FANK1: variants seen among roughly 807,000 people sequenced by gnomAD.
FANK1 encodes fibronectin type 3 and ankyrin repeat domains protein 1.
FANK1 carries 44 observed loss-of-function variants against 45.3 expected under a neutral mutation model. That is an observed-to-expected ratio of 0.97 (90% CI 0.76 to 1.25). The LOEUF (loss-of-function observed/expected upper bound fraction) is 1.25. Among genes scored for constraint, FANK1 ranks in the 50% most tolerant of loss-of-function variants. The pLI is 0.00. For missense variants in FANK1, 391 were observed against 424.4 expected (o/e 0.92, Z 0.69); for synonymous variants, 149 against 152.5 (o/e 0.98, Z 0.17).
At chr10:125,950,642 G>A (rs1278376684) in intron 1 of FANK1, among the ~76,000 whole-genome samples, 3 of 152,166 alleles carry the variant, frequency 2.0e-5, no homozygotes, top group African/African-American at 7.2e-5. Flanking sequence ...TACACTGTTG[G>A]TGGGACTGTA....
At chr10:125,970,060 T>C (rs1288414474) in intron 1 of FANK1, among the ~76,000 whole-genome samples, 1 of 152,220 alleles carries the variant, frequency 6.6e-6, no homozygotes, top group African/African-American at 2.4e-5. Flanking sequence ...TGATCTCTCT[T>C]TCTTTTCCCC....
At chr10:125,971,564 G>C (rs1393439703) in intron 1 of FANK1, among the ~76,000 whole-genome samples, 1 of 151,954 alleles carries the variant, frequency 6.6e-6, no homozygotes, top group East Asian at 1.9e-4. Flanking sequence ...AGCTAGACCT[G>C]ATTTAAAATG....
At chr10:125,942,875 A>C (rs1310984139) in intron 1 of FANK1, among the ~76,000 whole-genome samples, 1 of 145,846 alleles carries the variant, frequency 6.9e-6, no homozygotes, top group Non-Finnish European at 1.5e-5. Context: ...GTGCAATGGC[A>C]TGATCTCAGC....
intron 10 of FANK1, 52 bp from the exon 11 acceptor site, chr10:126,009,321 A>G (rs754215039): frequency 6.2e-7 from 1 of 1,614,096 alleles, no homozygotes; most frequent in Non-Finnish European, 8.5e-7. Context: ...CTAGACTCAG[A>G]AAAACCACCA....
At chr10:125,993,996 C>G (rs1187598482) in intron 3 of FANK1, among the ~76,000 whole-genome samples, 1 of 152,206 alleles carries the variant, frequency 6.6e-6, no homozygotes. Context: ...CACTGAAACC[C>G]TCCGAGGAAA....
chr10:125,981,133 G>A (rs905821224), intron 2 of FANK1, among the ~76,000 whole-genome samples: 7 of 152,174 alleles, frequency 4.6e-5, no homozygotes, highest in Admixed American at 2.6e-4. Context: ...CGCTCTAGCC[G>A]GTTCCTTGAC....
At chr10:126,007,707 G>A (rs962529560) in intron 7 of FANK1, among the ~76,000 whole-genome samples, 9 of 152,196 alleles carry the variant, frequency 5.9e-5, no homozygotes, top group African/African-American at 1.2e-4. Flanking sequence ...GTGTGTGTGC[G>A]TGTCTGAGCA....
Position 125,995,450 on chromosome 10 carries a change from C to T in FANK1, c.350C>T (p.Ala117Val), listed in dbSNP as rs1237951143. 2 of 1,614,038 alleles carry T rather than the reference C, an allele frequency of 1.2e-6. No individual in the cohort carries two copies. The highest frequency in any genetic ancestry group is 2.7e-5 in the African/African-American group (2 of 74,894). ...ATAAGTAGTGAGCACTTGCACCGGG[C>T]TGTCAGTGTGAATGATGAAGATTTG... ...EPISSEHLHR[A>V]VSVNDEDLLV... Residue 117 changes from alanine (A) to valine (V), a missense_variant, in exon 4 of 11, where the codon GCT becomes GTT. By Grantham distance (64) the Ala-to-Val change is moderately conservative (BLOSUM62 0). Coordinates refer to ENST00000368693, the MANE Select transcript of FANK1 (RefSeq NM_145235.5).
chr10:125,954,096 G>A (rs1008184911), intron 1 of FANK1, among the ~76,000 whole-genome samples: 1 of 151,844 alleles, frequency 6.6e-6, no homozygotes, highest in African/African-American at 2.4e-5. Context: ...GAGTTGGACC[G>A]TACAATCTAA....
intron 1 of FANK1, among the ~76,000 whole-genome samples, chr10:125,951,809 A>G (rs1362960475): frequency 6.6e-6 from 1 of 152,298 alleles, no homozygotes; most frequent in East Asian, 1.9e-4. Context: ...ATGATCAATA[A>G]TTGTGGAAAA....
rs539089294 is a variant in FANK1 at position 125,944,454 on chromosome 10, T to C, written c.14-35707T>C. On this transcript the variant is annotated intron_variant, in intron 1 of 10. Coordinates refer to ENST00000368693, the MANE Select transcript of FANK1 (RefSeq NM_145235.5). ...ACAACTTTTTCATTGTGATCTCTGA[T>C]GAATAAACCTTTTTCACTTAACAAT... Among the ~76,000 whole-genome samples the C allele has an allele frequency of 4.6e-5, 7 of 152,352 alleles. No individual in the cohort carries two copies. The East Asian group carries it at 1.3e-3, about 29-fold the overall frequency.
intron 1 of FANK1, among the ~76,000 whole-genome samples, chr10:125,967,183 G>A (rs1258258870): frequency 1.3e-5 from 2 of 152,114 alleles, no homozygotes; most frequent in East Asian, 1.9e-4. Context: ...TGTGATTTAT[G>A]CATGTGTGTA....
chr10:125,937,301 A>C (rs908350116), intron 1 of FANK1, among the ~76,000 whole-genome samples: 2 of 152,114 alleles, frequency 1.3e-5, no homozygotes, highest in African/African-American at 4.8e-5. Flanking sequence ...TGTATGAGAG[A>C]TCTCACTGTT....
At chr10:125,965,571 G>A (rs534169294) in intron 1 of FANK1, among the ~76,000 whole-genome samples, 99 of 152,346 alleles carry the variant, frequency 6.5e-4, no homozygotes, top group African/African-American at 2.2e-3. Flanking sequence ...GATCTGGATT[G>A]AAATCCTTGC....
At position 126,008,424 on chromosome 10, in the gene FANK1, T is replaced by G; in HGVS notation, c.723T>G (p.Thr241=). 6.2e-7 allele frequency: 1 copy of G among 1,605,158 alleles called. No individual in the cohort carries two copies. The highest frequency in any genetic ancestry group is 8.5e-7 in the Non-Finnish European group (1 of 1,176,328). ...CCCAACAGGTAGACGTCGTGGACAC[T>G]GGTTCAGGATGGACCCCACTCATGA... is the stretch of plus-strand genomic sequence containing the variant. ...KDGCEVDVVD[T]GSGWTPLMRV... The change falls in exon 8 of 11, where the codon ACT becomes ACG. Residue 241 remains threonine (T), a synonymous_variant. Transcript: ENST00000368693.
chr10:125,915,224 A>G (rs1306877401), intron 1 of FANK1, among the ~76,000 whole-genome samples: 2 of 151,996 alleles, frequency 1.3e-5, no homozygotes, highest in Non-Finnish European at 2.9e-5. Context: ...ACATTTGTTA[A>G]AGGGTAACTT....
At chr10:125,989,194 C>A in intron 3 of FANK1, 1 of 1,219,172 alleles carries the variant, frequency 8.2e-7, no homozygotes, top group Non-Finnish European at 1.2e-6. Flanking sequence ...CACATGGAGA[C>A]CTCTGAGCCC....
intron 1 of FANK1, among the ~76,000 whole-genome samples, chr10:125,963,354 T>C (rs1201503839): frequency 6.6e-6 from 1 of 152,208 alleles, no homozygotes; most frequent in African/African-American, 2.4e-5. Flanking sequence ...CTCAAGGATG[T>C]AGAACTAGAA....
chr10:125,903,488 T>C (rs1299641717), intron 1 of FANK1, among the ~76,000 whole-genome samples: 2 of 152,248 alleles, frequency 1.3e-5, no homozygotes, highest in African/African-American at 4.8e-5. Flanking sequence ...GGCCTTTTCT[T>C]GGGAAGGTGC....
Sources: gnomAD v4.1 joint callset for allele counts (sites outside exome capture counted in the v4.1 genomes callset) on GRCh38, gnomAD v4.1.1 for gene constraint, MANE v1.5 for transcripts, NCBI Gene and HGNC (gene_info 2026-07-23, HGNC 2026-07-21) for gene names.